RPS6KA2: variants seen among roughly 807,000 people sequenced by gnomAD.
RPS6KA2 encodes ribosomal protein S6 kinase alpha-2.
Under a neutral mutation model 91.8 loss-of-function variants are expected in RPS6KA2, and 42 were observed. That is an observed-to-expected ratio of 0.46 (90% CI 0.36 to 0.59). RPS6KA2 has a LOEUF of 0.59. RPS6KA2 is among the 20% of genes least tolerant of loss of function. The probability of loss-of-function intolerance (pLI) is 0.00; values close to 1 mark genes in which losing one functional copy is unlikely to be tolerated. For synonymous variants in RPS6KA2, 414 were observed against 393.6 expected (o/e 1.05, Z -0.61); for missense variants, 798 against 978.5 (o/e 0.82, Z 2.46).
intron 3 of RPS6KA2, among the ~76,000 whole-genome samples, chr6:166,521,492 C>G (rs540565855): frequency 2.3e-4 from 35 of 152,334 alleles, no homozygotes; most frequent in East Asian, 1.7e-3. Context: ...TACTTGGGAC[C>G]TGTTACTCCT....
intron 1 of RPS6KA2, among the ~76,000 whole-genome samples, chr6:166,605,181 C>A (rs775875652): frequency 6.6e-6 from 1 of 152,194 alleles, no homozygotes; most frequent in Admixed American, 6.5e-5. Context: ...CCCCCAAGGG[C>A]CTTGGGTGTT....
chr6:166,663,752 G>A (rs914271347), intron 2 of RPS6KA2, among the ~76,000 whole-genome samples: 1 of 152,334 alleles, frequency 6.6e-6, no homozygotes, highest in African/African-American at 2.4e-5. Context: ...GGGTCAGGGT[G>A]GATGGGAGGA....
intron 1 of RPS6KA2, among the ~76,000 whole-genome samples, chr6:166,620,773 T>C (rs1047670972): frequency 6.6e-6 from 1 of 152,236 alleles, no homozygotes; most frequent in African/African-American, 2.4e-5. Flanking sequence ...ATTTAATAAA[T>C]TGCAGATAAC....
intron 2 of RPS6KA2, among the ~76,000 whole-genome samples, chr6:166,712,191 C>T (rs1789882563): frequency 6.6e-6 from 1 of 152,126 alleles, no homozygotes; most frequent in African/African-American, 2.4e-5. Flanking sequence ...TTCTGGCAGC[C>T]CAGGTACCTG....
At chr6:166,729,396 G>C (rs1307979605) in intron 2 of RPS6KA2, among the ~76,000 whole-genome samples, 1 of 152,218 alleles carries the variant, frequency 6.6e-6, no homozygotes, top group Non-Finnish European at 1.5e-5. Context: ...CACCCAGACT[G>C]GAGTGCAGTG....
chr6:166,531,792 G>T (rs1291913192), intron 2 of RPS6KA2, among the ~76,000 whole-genome samples: 2 of 152,150 alleles, frequency 1.3e-5, no homozygotes, highest in Non-Finnish European at 2.9e-5. Context: ...GCTGTGAGTA[G>T]CTTAAGAGTT....
intron 14 of RPS6KA2, among the ~76,000 whole-genome samples, chr6:166,438,977 T>C (rs1045431026): frequency 6.6e-6 from 1 of 152,226 alleles, no homozygotes; most frequent in Non-Finnish European, 1.5e-5. Context: ...AGGGGATTGC[T>C]GCAGAAAGAA....
intron 2 of RPS6KA2, among the ~76,000 whole-genome samples, chr6:166,668,949 G>T (rs1788396233): frequency 6.8e-6 from 1 of 146,218 alleles, no homozygotes; most frequent in African/African-American, 2.5e-5. Context: ...GTTCAGTGAT[G>T]TGATCACCAC....
rs1207804038 is a variant in RPS6KA2, at chr6:166,445,999, A to G, written c.1332+2725T>C. ...TAGGTGGGGATGCTGCTTCTCATGAACAAGTCAGCAGATACAGACAAAGGC... is the reference window on the plus strand; with the variant it reads ...TAGGTGGGGATGCTGCTTCTCATGAGCAAGTCAGCAGATACAGACAAAGGC... On this transcript the variant is annotated intron_variant, in intron 14 of 20. Coordinates refer to ENST00000265678, the MANE Select transcript of RPS6KA2 (RefSeq NM_021135.6). This position sits in a 1 kb window ranked among gnomAD's most constrained non-coding sequence, Gnocchi z 4.5. Among the ~76,000 whole-genome samples the G allele has an allele frequency of 7.0e-6, 1 of 141,920 alleles. No homozygotes were observed. The highest frequency in any genetic ancestry group is 3.1e-5 in the African/African-American group (1 of 31,840). The allele number at this position is 141,920 out of a possible 152,430, so 93.1% of individuals were successfully genotyped here. A position where few individuals can be genotyped will look rare whatever the true frequency, so the allele number is the denominator to read the frequency against.
intron 11 of RPS6KA2, among the ~76,000 whole-genome samples, chr6:166,463,894 C>T (rs1337235561): frequency 6.6e-6 from 1 of 152,106 alleles, no homozygotes; most frequent in East Asian, 1.9e-4. Context: ...GCTCATGGAG[C>T]GGGACTGTGC....
rs2242574 is a variant in RPS6KA2, at chr6:166,821,798, C to A, written c.123+36402G>T. On this transcript the variant is annotated intron_variant, in intron 2 of 21. Coordinates refer to the RPS6KA2 transcript ENST00000503859. The surrounding 1 kb of genome is among the most constrained non-coding windows in gnomAD (Gnocchi z 4.1). ...CCTCCCTCCTAAGGCCGCCTACTTG[C>A]CCTCTCCACCTGTCTATTCACAGGC... 0.041 allele frequency among the ~76,000 whole-genome samples: 6,237 copies of A among 152,206 alleles called. 536 individuals carry two copies. Among genetic ancestry groups the A allele is most frequent in the East Asian group, 0.39 (1,997 of 5,154 alleles).
intron 2 of RPS6KA2, among the ~76,000 whole-genome samples, chr6:166,730,374 TA>T (rs1269188991): frequency 1.5e-5 from 2 of 135,688 alleles, no homozygotes; most frequent in Non-Finnish European, 3.2e-5. Context: ...TATAAATTCA[TA>T]AAAATATGTC....
chr6:166,512,362 A>AT (rs987836893), intron 3 of RPS6KA2, among the ~76,000 whole-genome samples: 4 of 152,166 alleles, frequency 2.6e-5, no homozygotes, highest in South Asian at 2.1e-4. Context: ...TGATACAAAG[A>AT]TTTTGGGTAT....
Position 166,825,804 on chromosome 6 carries a change from C to T in RPS6KA2, c.123+32396G>A, listed in dbSNP as rs540876555. On this transcript the variant is annotated intron_variant, in intron 2 of 21. Coordinates refer to the RPS6KA2 transcript ENST00000503859. This position sits in a 1 kb window ranked among gnomAD's most constrained non-coding sequence, Gnocchi z 4.1. ...CATCATCTCCCGAGGCCCCACCTCC[C>T]AATACCATCACCTTGAGGGTTAGGA... Among the ~76,000 whole-genome samples the T allele has an allele frequency of 3.9e-5, 6 of 152,164 alleles. No homozygotes were observed. The highest frequency in any genetic ancestry group is 8.8e-5 in the Non-Finnish European group (6 of 68,036).
chr6:166,460,110 C>T (rs1217846865), intron 11 of RPS6KA2, among the ~76,000 whole-genome samples: 1 of 152,246 alleles, frequency 6.6e-6, no homozygotes, highest in Admixed American at 6.5e-5. Flanking sequence ...GCACCTCTGC[C>T]AGAAACCTGC....
intron 1 of RPS6KA2, among the ~76,000 whole-genome samples, chr6:166,549,039 G>T (rs1783914886): frequency 6.6e-6 from 1 of 152,170 alleles, no homozygotes. Context: ...TTTCACCACT[G>T]AAGATACACA....
At chr6:166,617,628 C>T (rs1015814941) in intron 1 of RPS6KA2, among the ~76,000 whole-genome samples, 1 of 152,138 alleles carries the variant, frequency 6.6e-6, no homozygotes, top group African/African-American at 2.4e-5. Context: ...CACTTTTTGT[C>T]TGCATTTTAA....
chr6:166,455,682 G>C (rs1043311148), intron 12 of RPS6KA2, among the ~76,000 whole-genome samples: 5 of 152,236 alleles, frequency 3.3e-5, no homozygotes, highest in Admixed American at 2.6e-4. Flanking sequence ...GGGGCTTTCT[G>C]AGCGGCTCTG....
intron 2 of RPS6KA2, among the ~76,000 whole-genome samples, chr6:166,682,790 G>A (rs765229698): frequency 1.3e-4 from 20 of 152,132 alleles, no homozygotes; most frequent in Non-Finnish European, 8.8e-5. Flanking sequence ...TCCTCAGAGC[G>A]CCCTATGACC....
Sources: allele counts gnomAD v4.1 joint callset (sites outside exome capture counted in the v4.1 genomes callset), GRCh38; gene constraint gnomAD v4.1.1; non-coding constraint Gnocchi (gnomAD v3.1); transcripts MANE v1.5; gene names NCBI Gene and HGNC (gene_info 2026-07-23, HGNC 2026-07-21).